PBX3: variants seen among roughly 807,000 people sequenced by gnomAD.
The protein encoded by PBX3 is PBX homeobox 3.
Under a neutral mutation model 48.5 loss-of-function variants are expected in PBX3, and 14 were observed. That is an observed-to-expected ratio of 0.29 (90% CI 0.19 to 0.45). The LOEUF (loss-of-function observed/expected upper bound fraction) is 0.45, where lower values mean the gene tolerates loss of function less well. Among genes scored for constraint, PBX3 ranks in the 20% least tolerant of loss-of-function variants. The pLI is 1.00. For synonymous variants in PBX3, 210 were observed against 200.3 expected, an observed-to-expected ratio of 1.05 and a Z score of -0.41; for missense variants, 386 against 546.7, an observed-to-expected ratio of 0.71 and a Z score of 2.93.
At chr9:125,810,640 A>G (rs959367906) in intron 2 of PBX3, among the ~76,000 whole-genome samples, 1 of 152,072 alleles carries the variant, frequency 6.6e-6, no homozygotes, top group East Asian at 1.9e-4. Context: ...TATTTGTCCT[A>G]TATTGAGGAA....
At chr9:125,849,020 C>T (rs1281508707) in intron 2 of PBX3, among the ~76,000 whole-genome samples, 1 of 151,934 alleles carries the variant, frequency 6.6e-6, no homozygotes, top group Non-Finnish European at 1.5e-5. Context: ...TCTTATTTAA[C>T]TCTCACAGTA....
intron 4 of PBX3, among the ~76,000 whole-genome samples, chr9:125,933,105 C>G (rs936507500): frequency 3.3e-4 from 50 of 152,234 alleles, no homozygotes; most frequent in African/African-American, 1.2e-3. Flanking sequence ...TCTCCTGTGC[C>G]TTCAAGTGAA....
At chr9:125,880,484 A>C (rs1393786313) in intron 2 of PBX3, among the ~76,000 whole-genome samples, 1 of 152,206 alleles carries the variant, frequency 6.6e-6, no homozygotes, top group Non-Finnish European at 1.5e-5. Context: ...TAATTATCTG[A>C]CTTTTCTCTT....
chr9:125,920,533 T>C (rs1360318454), intron 3 of PBX3, among the ~76,000 whole-genome samples: 1 of 152,226 alleles, frequency 6.6e-6, no homozygotes, highest in Non-Finnish European at 1.5e-5. Flanking sequence ...AGATATATAA[T>C]GCTCTGTGCA....
rs965642254 is a variant in PBX3, at chr9:125,769,735, T to A, written c.274+21112T>A. On this transcript the variant is annotated intron_variant, in intron 2 of 8. Transcript: ENST00000373489. ...GATAGATCAACAGATCACATTTTGT[T>A]GGATCATAGTTTTCCATACAGAACT... Among the ~76,000 whole-genome samples, 4 of 152,328 alleles carry A rather than the reference T, an allele frequency of 2.6e-5. No individual in the cohort carries two copies. The South Asian group carries it at 6.2e-4, about 24-fold the overall frequency.
At chr9:125,934,835 A>G (rs79384162) in intron 4 of PBX3, among the ~76,000 whole-genome samples, 5,465 of 152,200 alleles carry the variant, frequency 0.036, 336 homozygotes, top group African/African-American at 0.12. Context: ...GTGCCAAGTT[A>G]CTATCATCTT....
At position 125,897,127 on chromosome 9, in the gene PBX3, T is replaced by A. The variant is rs374782068; in HGVS notation, c.275-18559T>A. 1.5e-4 allele frequency among the ~76,000 whole-genome samples: 22 copies of A among 147,504 alleles called. 1 individual carries two copies. The South Asian group carries it at 3.0e-3, about 20-fold the overall frequency. On this transcript the variant is annotated intron_variant, in intron 2 of 8. Coordinates refer to ENST00000373489, the MANE Select transcript of PBX3 (RefSeq NM_006195.6). ...TGTCAAAGCCATTTCATGTGGGCTT[T>A]ATATTCATTTGTGGTTTTTTTTTTT...
chr9:125,943,555 A>G (rs1215322011), intron 5 of PBX3, among the ~76,000 whole-genome samples: 1 of 151,732 alleles, frequency 6.6e-6, no homozygotes, highest in Non-Finnish European at 1.5e-5. Context: ...TATTCTTATC[A>G]GTTTTTCTCA....
At chr9:125,891,353 G>A (rs1199072930) in intron 2 of PBX3, among the ~76,000 whole-genome samples, 2 of 152,196 alleles carry the variant, frequency 1.3e-5, no homozygotes, top group African/African-American at 4.8e-5. Flanking sequence ...TAAAATGAAT[G>A]CCAAATCATT....
chr9:125,929,556 C>T, intron 3 of PBX3, 99 bp from the exon 4 acceptor site: 2 of 781,492 alleles, frequency 2.6e-6, no homozygotes. Context: ...CTGTATAATG[C>T]TATTGGTGAA....
At chr9:125,909,319 A>G (rs1037813677) in intron 2 of PBX3, among the ~76,000 whole-genome samples, 1 of 152,194 alleles carries the variant, frequency 6.6e-6, no homozygotes, top group Admixed American at 6.5e-5. Flanking sequence ...TGAAGAGCAA[A>G]GAGAAAATAT....
chr9:125,899,427 CTA>C (rs1226945816), intron 2 of PBX3, among the ~76,000 whole-genome samples: 3 of 110,636 alleles, frequency 2.7e-5, no homozygotes, highest in Admixed American at 2.1e-4. Context: ...ATATGTATGT[CTA>C]TATATATGTG....
chr9:125,814,686 A>G (rs958746238), intron 2 of PBX3, among the ~76,000 whole-genome samples: 5 of 152,224 alleles, frequency 3.3e-5, no homozygotes, highest in Non-Finnish European at 7.3e-5. Context: ...CTCAAAGACC[A>G]TTGATCATGC....
Position 125,818,562 on chromosome 9 carries a change from T to C in PBX3, c.274+69939T>C, listed in dbSNP as rs557285933. On this transcript the variant is annotated intron_variant, in intron 2 of 8. Transcript: ENST00000373489. ...ACAGAGTTTCTCCATGTTGACCAGC[T>C]GGTCTCAAACTCCTGACCCCAAGTG... Among the ~76,000 whole-genome samples the C allele has an allele frequency of 3.0e-3, 459 of 152,212 alleles. 2 individuals are homozygous for C. The highest frequency in any genetic ancestry group is 5.5e-3 in the Non-Finnish European group (373 of 68,000).
rs564165102 is a variant in PBX3 at position 125,931,531 on chromosome 9, C to A, written c.707+1686C>A. ...CAGCCTGGTCTTGAACTCCTGAACT[C>A]AAGCTATCCTGCCTCCCAAAGTGCT... On this transcript the variant is annotated intron_variant, in intron 4 of 8. Coordinates refer to ENST00000373489, the MANE Select transcript of PBX3 (RefSeq NM_006195.6). Among the ~76,000 whole-genome samples the A allele has an allele frequency of 7.2e-5, 11 of 152,296 alleles. No homozygotes were observed. In the East Asian group the frequency reaches 1.7e-3, roughly 24 times the overall value.
intron 3 of PBX3, among the ~76,000 whole-genome samples, chr9:125,928,659 G>T (rs553053958): frequency 6.6e-6 from 1 of 152,136 alleles, no homozygotes; most frequent in East Asian, 1.9e-4. Flanking sequence ...TAGAGATGGG[G>T]TTTCACTGTG....
At chr9:125,769,956 A>T (rs1226817302) in intron 2 of PBX3, among the ~76,000 whole-genome samples, 7 of 152,120 alleles carry the variant, frequency 4.6e-5, no homozygotes, top group African/African-American at 1.4e-4. Flanking sequence ...GGTTATGTAT[A>T]ATTTGTATTT....
chr9:125,862,552 A>T lies in PBX3; in HGVS notation c.275-53134A>T, dbSNP rs1334231890. 4.6e-5 allele frequency among the ~76,000 whole-genome samples: 7 copies of T among 152,038 alleles called. 1 individual carries two copies. The highest frequency in any genetic ancestry group is 3.9e-4 in the East Asian group (2 of 5,148). On this transcript the variant is annotated intron_variant, in intron 2 of 8. Transcript: ENST00000373489. ...CAGGAGTGTGCCACCACACCCAGCT[A>T]ATTTTTGTATTTTTAGTAGAGACGG...
chr9:125,951,110 A>G (rs888164303), intron 5 of PBX3, among the ~76,000 whole-genome samples: 4 of 152,150 alleles, frequency 2.6e-5, no homozygotes, highest in Non-Finnish European at 4.4e-5. Flanking sequence ...ATGAGATAAT[A>G]CATGCAAAGT....
Sources: gnomAD v4.1 joint callset for allele counts (sites outside exome capture counted in the v4.1 genomes callset) on GRCh38, gnomAD v4.1.1 for gene constraint, MANE v1.5 for transcripts, NCBI Gene and HGNC (gene_info 2026-07-23, HGNC 2026-07-21) for gene names.